The following MEGF10 variants were observed in gnomAD, a reference collection of about 807,000 sequenced individuals.
MEGF10 encodes multiple epidermal growth factor-like domains protein 10.
MEGF10 carries 86 observed loss-of-function variants against 147.5 expected under a neutral mutation model. That is an observed-to-expected ratio of 0.58 (90% CI 0.49 to 0.70). The LOEUF is 0.70. Ranked by LOEUF, MEGF10 falls within the 30% of genes least tolerant of loss-of-function variation. MEGF10 has a pLI of 0.00. For synonymous variants in MEGF10, 478 were observed against 525.5 expected (o/e 0.91, Z 1.24); for missense variants, 1,329 against 1,487.3 (o/e 0.89, Z 1.75).
chr5:127,426,558 G>A (rs1326784124), intron 13 of MEGF10, among the ~76,000 whole-genome samples: 3 of 152,008 alleles, frequency 2.0e-5, no homozygotes, highest in Non-Finnish European at 2.9e-5. Context: ...CTACACCTCT[G>A]GACCTCTGGT....
At chr5:127,256,685 A>G in the MEGF10 span, among the ~76,000 whole-genome samples, 2 of 152,272 alleles carry the variant, frequency 1.3e-5, no homozygotes, top group Non-Finnish European at 1.5e-5. Context: ...AGTGTCATGA[A>G]TATGTTTTTC....
At chr5:127,302,896 C>T (rs1220567169) in intron 1 of MEGF10, among the ~76,000 whole-genome samples, 1 of 152,102 alleles carries the variant, frequency 6.6e-6, no homozygotes, top group African/African-American at 2.4e-5. Context: ...AGAGATGGGA[C>T]ATTGAAAGAT....
chr5:127,372,601 C>G (rs192119079), intron 5 of MEGF10, among the ~76,000 whole-genome samples: 2 of 152,334 alleles, frequency 1.3e-5, no homozygotes, highest in Admixed American at 1.3e-4. Context: ...GTTTCTCAGT[C>G]TTTCCTTGTT....
chr5:127,273,815 T>C, the MEGF10 span, among the ~76,000 whole-genome samples: 1 of 152,224 alleles, frequency 6.6e-6, no homozygotes, highest in Admixed American at 6.5e-5. Flanking sequence ...AATACCTACT[T>C]ATGTACAGGC....
At chr5:127,326,768 T>G (rs1309537251) in intron 1 of MEGF10, among the ~76,000 whole-genome samples, 1 of 152,162 alleles carries the variant, frequency 6.6e-6, no homozygotes, top group African/African-American at 2.4e-5. Flanking sequence ...TAATTTAACT[T>G]AGAGATATGT....
chr5:127,385,911 C>G (rs1763410022), intron 5 of MEGF10, among the ~76,000 whole-genome samples: 6 of 152,152 alleles, frequency 3.9e-5, no homozygotes, highest in Admixed American at 2.0e-4. Flanking sequence ...TCAAGACCAG[C>G]CTGGGCATCG....
intron 1 of MEGF10, among the ~76,000 whole-genome samples, chr5:127,303,056 G>A (rs1480232804): frequency 1.3e-5 from 2 of 152,048 alleles, no homozygotes; most frequent in Non-Finnish European, 2.9e-5. Flanking sequence ...ATAAGGTTGG[G>A]GTCAGTGCAG....
intron 4 of MEGF10, among the ~76,000 whole-genome samples, chr5:127,358,185 T>C (rs185415436): frequency 2.6e-5 from 4 of 152,296 alleles, no homozygotes; most frequent in African/African-American, 7.2e-5. Flanking sequence ...TATTAGTCAT[T>C]GACTCCATTT....
chr5:127,264,384 T>C, the MEGF10 span, among the ~76,000 whole-genome samples: 621 of 152,280 alleles, frequency 4.1e-3, no homozygotes, highest in Middle Eastern at 0.01. Flanking sequence ...GTACTTTTGA[T>C]TGTTACATTT....
intron 2 of MEGF10, among the ~76,000 whole-genome samples, chr5:127,334,630 T>C (rs1360416402): frequency 6.6e-6 from 1 of 152,178 alleles, no homozygotes; most frequent in Non-Finnish European, 1.5e-5. Flanking sequence ...TGTTTATGAT[T>C]AAAGGAACTC....
Position 127,438,967 on chromosome 5 carries a change from T to C in MEGF10, c.2233+400T>C, listed in dbSNP as rs77690720. Among the ~76,000 whole-genome samples the C allele has an allele frequency of 1.4e-4, 21 of 151,940 alleles. No homozygotes were observed. The East Asian group carries it at 4.1e-3, about 29-fold the overall frequency. On this transcript the variant is annotated intron_variant, in intron 17 of 24. Coordinates refer to ENST00000503335, the MANE Select transcript of MEGF10 (RefSeq NM_001256545.2). ...ATGTGCGCTCTTGGAAAAGGTGGAGTTCCGTGTTTTTCGAATGGTAGCAAG... is the reference window on the plus strand; with the variant it reads ...ATGTGCGCTCTTGGAAAAGGTGGAGCTCCGTGTTTTTCGAATGGTAGCAAG...
chr5:127,425,555 T>C (rs1765183346), intron 13 of MEGF10, among the ~76,000 whole-genome samples: 1 of 151,924 alleles, frequency 6.6e-6, no homozygotes, highest in Non-Finnish European at 1.5e-5. Flanking sequence ...CAAAAACACA[T>C]GTAGAGGAAA....
chr5:127,406,185 A>G (rs1764313491), intron 8 of MEGF10, among the ~76,000 whole-genome samples: 1 of 152,242 alleles, frequency 6.6e-6, no homozygotes. Context: ...AACAATAAAC[A>G]TACAAGGCAA....
intron 1 of MEGF10, among the ~76,000 whole-genome samples, chr5:127,291,753 T>C (rs1039898929): frequency 6.6e-6 from 1 of 152,188 alleles, no homozygotes; most frequent in South Asian, 2.1e-4. Context: ...TTACGCCTGG[T>C]TTAAGGAAGT....
intron 5 of MEGF10, among the ~76,000 whole-genome samples, chr5:127,374,670 C>G (rs1257542009): frequency 6.6e-6 from 1 of 152,000 alleles, no homozygotes. Flanking sequence ...CACAGTTCTA[C>G]TGAATATTCT....
chr5:127,455,227 G>A (rs1414358194), intron 23 of MEGF10, among the ~76,000 whole-genome samples, 174 bp from the exon 24 acceptor site: 1 of 152,156 alleles, frequency 6.6e-6, no homozygotes, highest in Non-Finnish European at 1.5e-5. Context: ...AACTACTTTA[G>A]GGATGGGTCA....
chr5:127,289,462 C>G (rs1043266425), upstream of MEGF10, among the ~76,000 whole-genome samples: 4 of 152,150 alleles, frequency 2.6e-5, no homozygotes, highest in African/African-American at 9.7e-5. Flanking sequence ...CTCTTCTGGA[C>G]AGGGAAAAGC....
chr5:127,436,936 G>A (rs532444295), intron 16 of MEGF10, among the ~76,000 whole-genome samples: 1 of 152,210 alleles, frequency 6.6e-6, no homozygotes, highest in Non-Finnish European at 1.5e-5. Flanking sequence ...ATTTAAAGGG[G>A]CAGGTGTCCT....
At chr5:127,332,150 T>G (rs1761286741) in intron 2 of MEGF10, among the ~76,000 whole-genome samples, 1 of 152,196 alleles carries the variant, frequency 6.6e-6, no homozygotes, top group South Asian at 2.1e-4. Context: ...GATCATCCTC[T>G]GGGACTTTAT....
Sources: gnomAD v4.1 joint callset for allele counts (sites outside exome capture counted in the v4.1 genomes callset) on GRCh38, gnomAD v4.1.1 for gene constraint, MANE v1.5 for transcripts, NCBI Gene and HGNC (gene_info 2026-07-23, HGNC 2026-07-21) for gene names.